Variants in RNMT observed in about 807,000 individuals in gnomAD.
RNMT encodes mRNA cap guanine-N(7) methyltransferase.
RNMT carries 27 observed loss-of-function variants against 56.0 expected under a neutral mutation model. The ratio of observed to expected loss-of-function variants is 0.48; its 90% CI spans 0.36 to 0.67. The LOEUF is 0.67. Ranked by LOEUF, RNMT falls within the 30% of genes least tolerant of loss-of-function variation. RNMT has a pLI of 0.00. For synonymous variants in RNMT, 184 were observed against 176.2 expected (o/e 1.04, Z -0.35); for missense variants, 519 against 552.1 (o/e 0.94, Z 0.60).
chr18:13,742,674 C>T, intron 8 of RNMT, 22 bp downstream of exon 8: 2 of 1,560,682 alleles, frequency 1.3e-6, no homozygotes, highest in Non-Finnish European at 1.7e-6. Flanking sequence ...TTAATCTGTT[C>T]ACTCTTTTCT....
intron 10 of RNMT, among the ~76,000 whole-genome samples, chr18:13,753,510 G>A (rs987839219): frequency 1.3e-5 from 2 of 151,654 alleles, no homozygotes; most frequent in African/African-American, 2.4e-5. Flanking sequence ...ATGGCTCAAC[G>A]CCTGTAATCC....
At chr18:13,739,464 A>G (rs1402823745) in intron 5 of RNMT, among the ~76,000 whole-genome samples, 1 of 152,174 alleles carries the variant, frequency 6.6e-6, no homozygotes, top group Non-Finnish European at 1.5e-5. Flanking sequence ...TTGCCTTTGC[A>G]TTATCAGTGT....
chr18:13,755,690 A>C (rs2044530815), intron 11 of RNMT, among the ~76,000 whole-genome samples: 1 of 152,212 alleles, frequency 6.6e-6, no homozygotes, highest in South Asian at 2.1e-4. Context: ...TACACATACG[A>C]TCATGCTTGA....
chr18:13,761,835 C>A lies in RNMT; in HGVS notation c.*1856C>A. The A allele has an allele frequency of 7.4e-7, 1 of 1,350,256 alleles. No individual in the cohort carries two copies. The highest frequency in any genetic ancestry group is 9.5e-7 in the Non-Finnish European group (1 of 1,050,984). The allele number at this position is 1,350,256 out of a possible 1,614,324, so 83.6% of individuals were successfully genotyped here. Reference sequence around the variant, plus strand: ...CTTGCCTTATCAGTTCTTCCTCCACCACCCTACACCCCCCTCCCCCCGGCC... The same window carrying A: ...CTTGCCTTATCAGTTCTTCCTCCACAACCCTACACCCCCCTCCCCCCGGCC... On this transcript the variant is annotated 3_prime_UTR_variant, in exon 12 of 12. Coordinates refer to ENST00000383314, the MANE Select transcript of RNMT (RefSeq NM_003799.3).
chr18:13,731,351 T>C, intron 2 of RNMT, 125 bp from the exon 3 acceptor site: 1 of 466,722 alleles, frequency 2.1e-6, no homozygotes, highest in Non-Finnish European at 3.7e-6. Context: ...GAGCTTGCAG[T>C]GAGCCGAGAT....
At chr18:13,737,665 A>C (rs2044184977) in intron 5 of RNMT, among the ~76,000 whole-genome samples, 1 of 152,172 alleles carries the variant, frequency 6.6e-6, no homozygotes, top group African/African-American at 2.4e-5. Flanking sequence ...TCATGTCTAA[A>C]GGGCAGACTT....
intron 3 of RNMT, 80 bp from the exon 4 acceptor site, chr18:13,734,384 C>T (rs2044124833): frequency 8.1e-7 from 1 of 1,238,670 alleles, no homozygotes; most frequent in Non-Finnish European, 1.1e-6. Context: ...GCATTTTATC[C>T]ATTCACAGGT....
intron 11 of RNMT, among the ~76,000 whole-genome samples, chr18:13,758,551 C>T (rs1464192256): frequency 6.6e-6 from 1 of 152,170 alleles, no homozygotes; most frequent in Non-Finnish European, 1.5e-5. Flanking sequence ...CTCTCTCATC[C>T]TTCATAGAAT....
chr18:13,754,721 C>T (rs74387438), intron 11 of RNMT, among the ~76,000 whole-genome samples: 13,031 of 152,262 alleles, frequency 0.086, 688 homozygotes, highest in South Asian at 0.15. Flanking sequence ...ACTAAGTAGC[C>T]ATCTCCATTT....
intron 11 of RNMT, among the ~76,000 whole-genome samples, chr18:13,759,580 T>G (rs1000597889): frequency 6.6e-6 from 1 of 151,960 alleles, no homozygotes; most frequent in African/African-American, 2.4e-5. Context: ...CTAGTTTTCT[T>G]TGTTATACTT....
rs2044653352 is a variant in RNMT, at chr18:13,764,276, G to T, written c.*4297G>T. 1.3e-5 allele frequency: 2 copies of T among 152,074 alleles called. No individual in the cohort carries two copies. Among genetic ancestry groups the T allele is most frequent in the Non-Finnish European group, 2.9e-5 (2 of 68,008 alleles). 9.4% of individuals were successfully genotyped at this position (152,074 alleles called of 1,614,324 possible). ...ACACATCAATGATTTTTCACAAGTG[G>T]AGCACGTGCATACAATCGGCACCCC... On this transcript the variant is annotated 3_prime_UTR_variant, in exon 12 of 12. Coordinates refer to ENST00000383314, the MANE Select transcript of RNMT (RefSeq NM_003799.3).
chr18:13,759,842 C>A, intron 11 of RNMT, 100 bp from the exon 12 acceptor site: 1 of 1,000,192 alleles, frequency 1.0e-6, no homozygotes, highest in Non-Finnish European at 1.5e-6. Flanking sequence ...TCAGAAGCTG[C>A]TTGAGAGCCT....
In RNMT at chr18:13,760,932, TG is replaced by T. The variant is rs776074330; in HGVS notation, c.*954del. ...TAAAGTTGTCACTTGTGTAACTGAC[TG>T]CTTTTCCAAAACTGGTACTTATGTG... On this transcript the variant is annotated 3_prime_UTR_variant, in exon 12 of 12. Coordinates refer to ENST00000383314, the MANE Select transcript of RNMT (RefSeq NM_003799.3). 4.5e-4 allele frequency: 439 copies of T among 985,492 alleles called. No individual in the cohort carries two copies. The highest frequency in any genetic ancestry group is 5.2e-4 in the Middle Eastern group (1 of 1,914). The allele number at this position is 985,492 out of a possible 1,614,324, so 61.0% of individuals were successfully genotyped here.
chr18:13,754,966 C>T (rs1352931256), intron 11 of RNMT, among the ~76,000 whole-genome samples: 2 of 152,158 alleles, frequency 1.3e-5, no homozygotes, highest in African/African-American at 4.8e-5. Context: ...CACAGCAAAT[C>T]TGTGAAGGCC....
chr18:13,760,764 C>T lies in RNMT; in HGVS notation c.*785C>T. The T allele has an allele frequency of 1.0e-6, 1 of 985,242 alleles. No homozygotes were observed. The highest frequency in any genetic ancestry group is 1.2e-6 in the Non-Finnish European group (1 of 829,746). 61.0% of individuals were successfully genotyped at this position (985,242 alleles called of 1,614,324 possible). A position where few individuals can be genotyped will look rare whatever the true frequency, so the allele number is the denominator to read the frequency against. ...TTAGTGAAAATCCCTCCCATGTAGA[C>T]ATGTTGCACATTTTTTCCAAATTTA... On this transcript the variant is annotated 3_prime_UTR_variant, in exon 12 of 12. Coordinates refer to ENST00000383314, the MANE Select transcript of RNMT (RefSeq NM_003799.3).
intron 6 of RNMT, 123 bp downstream of exon 6, chr18:13,740,402 G>T: frequency 1.7e-6 from 1 of 599,560 alleles, no homozygotes; most frequent in African/African-American, 1.9e-5. Context: ...TTGAGACAGG[G>T]TCTTACTCTG....
At chr18:13,754,184 C>T (rs903068636) in intron 11 of RNMT, 37 bp downstream of exon 11, 2 of 1,403,842 alleles carry the variant, frequency 1.4e-6, no homozygotes, top group African/African-American at 2.8e-5. Context: ...CTGATAATTT[C>T]AAAAGTCCTG....
rs2044637432 is a variant in RNMT at position 13,762,894 on chromosome 18, C to T, written c.*2915C>T. The T allele has an allele frequency of 8.5e-6, 3 of 351,184 alleles. No individual in the cohort carries two copies. The Admixed American group carries it at 1.1e-4, about 13-fold the overall frequency. The allele number at this position is 351,184 out of a possible 1,614,324, so 21.8% of individuals were successfully genotyped here. A position where few individuals can be genotyped will look rare whatever the true frequency, so the allele number is the denominator to read the frequency against. On this transcript the variant is annotated 3_prime_UTR_variant, in exon 12 of 12. Transcript: ENST00000383314. ...AGGTTTGGCTACTTGTATAGGTCTGCCTGCAGGGTGAAAATGCCAGTGTGA... is the reference window on the plus strand; with the variant it reads ...AGGTTTGGCTACTTGTATAGGTCTGTCTGCAGGGTGAAAATGCCAGTGTGA...
chr18:13,731,408 C>CAAA (rs61281036), intron 2 of RNMT, 68 bp from the exon 3 acceptor site: 1,604 of 640,668 alleles, frequency 2.5e-3, no homozygotes, highest in Non-Finnish European at 2.9e-3. Context: ...AACTCCGTCT[C>CAAA]AAAAAAAAAA....
Sources: gnomAD v4.1 joint callset for allele counts (sites outside exome capture counted in the v4.1 genomes callset) on GRCh38, gnomAD v4.1.1 for gene constraint, MANE v1.5 for transcripts, NCBI Gene and HGNC (gene_info 2026-07-23, HGNC 2026-07-21) for gene names.